IFT74: variants seen among roughly 807,000 people sequenced by gnomAD.
IFT74 encodes intraflagellar transport protein 74 homolog.
A neutral mutation model predicts 96.7 loss-of-function variants in IFT74; 92 were observed. That is an observed-to-expected ratio of 0.95 (90% CI 0.80 to 1.13). The LOEUF is 1.13. Among genes scored for constraint, IFT74 ranks in the 50% most tolerant of loss-of-function variants. The pLI is 0.00. For synonymous variants in IFT74, 223 were observed against 213.2 expected, an observed-to-expected ratio of 1.05 and a Z score of -0.40; for missense variants, 811 against 698.2, an observed-to-expected ratio of 1.16 and a Z score of -1.82.
intron 12 of IFT74, among the ~76,000 whole-genome samples, chr9:27,028,628 T>C (rs1180918023): frequency 6.6e-6 from 1 of 151,890 alleles, no homozygotes; most frequent in African/African-American, 2.4e-5. Flanking sequence ...TGGAGGCGCG[T>C]GCCTCTAGTC....
In IFT74 at chr9:27,065,995, A is replaced by T. The variant is rs1478636425; in HGVS notation, c.*3259A>T. ...AGGTAGATAATTTAGGAAGACAGAT[A>T]AATAAAATGAAGAAAGTAAGTTACT... On this transcript the variant is annotated 3_prime_UTR_variant, in exon 20 of 20. Coordinates refer to ENST00000380062, the MANE Select transcript of IFT74 (RefSeq NM_025103.4). Among the ~76,000 whole-genome samples, 1 of 152,242 alleles carries T rather than the reference A, an allele frequency of 6.6e-6. No individual in the cohort carries two copies. Among genetic ancestry groups the T allele is most frequent in the African/African-American group, 2.4e-5 (1 of 41,476 alleles).
Position 27,049,979 on chromosome 9 carries a change from A to G in IFT74, c.1333+1705A>G, listed in dbSNP as rs12339549. ...CTGATATAGCCAAGTTATTATTTCA[A>G]CATGTAAGCTATATAAAAATGATCA... On this transcript the variant is annotated intron_variant, in intron 16 of 19. Coordinates refer to ENST00000380062, the MANE Select transcript of IFT74 (RefSeq NM_025103.4). Among the ~76,000 whole-genome samples the G allele has an allele frequency of 8.2e-3, 1,251 of 152,322 alleles. 16 individuals are homozygous for G. Among genetic ancestry groups the G allele is most frequent in the African/African-American group, 0.028 (1,149 of 41,578 alleles).
chr9:26,960,775 A>T (rs1367305254), intron 1 of IFT74, among the ~76,000 whole-genome samples: 2 of 152,134 alleles, frequency 1.3e-5, no homozygotes, highest in African/African-American at 2.4e-5. Flanking sequence ...AAGATGTTTG[A>T]GGTGAAGCAA....
At chr9:27,023,072 G>T (rs1055425355) in intron 12 of IFT74, among the ~76,000 whole-genome samples, 8 of 152,140 alleles carry the variant, frequency 5.3e-5, no homozygotes, top group Middle Eastern at 3.2e-3. Context: ...AGTCTTCAGG[G>T]TTTCCTAGTT....
chr9:26,958,753 G>A (rs138268890), intron 1 of IFT74, among the ~76,000 whole-genome samples: 23 of 152,280 alleles, frequency 1.5e-4, no homozygotes, highest in African/African-American at 5.1e-4. Flanking sequence ...CAAGCTGAGT[G>A]CTAAAATAAG....
At chr9:27,050,631 T>C (rs908120546) in intron 16 of IFT74, among the ~76,000 whole-genome samples, 1 of 151,736 alleles carries the variant, frequency 6.6e-6, no homozygotes, top group African/African-American at 2.4e-5. Flanking sequence ...GAAGACCTAA[T>C]TAATATTTGC....
intron 10 of IFT74, among the ~76,000 whole-genome samples, chr9:27,014,622 T>C (rs954493641): frequency 6.6e-6 from 1 of 152,172 alleles, no homozygotes; most frequent in African/African-American, 2.4e-5. Context: ...AAAAAAAAAT[T>C]TTTTTGAGAC....
intron 3 of IFT74, 83 bp downstream of exon 3, chr9:26,978,346 G>C: frequency 7.1e-7 from 1 of 1,417,270 alleles, no homozygotes; most frequent in South Asian, 1.3e-5. Flanking sequence ...AAAAGTAAAA[G>C]TTGAGTATAT....
intron 16 of IFT74, among the ~76,000 whole-genome samples, chr9:27,054,873 A>G (rs1281184047): frequency 6.6e-6 from 1 of 152,188 alleles, no homozygotes; most frequent in Non-Finnish European, 1.5e-5. Flanking sequence ...AAATGGCCCC[A>G]AGCAAAGTGC....
chr9:27,046,785 G>C (rs911165553), intron 14 of IFT74, among the ~76,000 whole-genome samples: 3 of 151,980 alleles, frequency 2.0e-5, no homozygotes, highest in Non-Finnish European at 4.4e-5. Context: ...TTATATCAAG[G>C]TCACAGGATT....
Position 27,057,193 on chromosome 9 carries a change from A to G in IFT74, c.1623+734A>G, listed in dbSNP as rs1820204861. On this transcript the variant is annotated intron_variant, in intron 18 of 19. Transcript: ENST00000380062. Reference sequence around the variant, plus strand: ...CATTGAAATAATGCTATAAAGAGCAATCCAGGTATCCTTGAACTTCTTAAT... The same window carrying G: ...CATTGAAATAATGCTATAAAGAGCAGTCCAGGTATCCTTGAACTTCTTAAT... 3.9e-5 allele frequency among the ~76,000 whole-genome samples: 6 copies of G among 152,332 alleles called. No individual in the cohort carries two copies. In the South Asian group the frequency reaches 1.2e-3, roughly 32 times the overall value.
intron 16 of IFT74, among the ~76,000 whole-genome samples, chr9:27,053,931 A>G (rs1052878963): frequency 6.6e-6 from 1 of 152,240 alleles, no homozygotes; most frequent in Non-Finnish European, 1.5e-5. Context: ...ATAAGAATCC[A>G]ACAAAACAAA....
chr9:26,966,479 AG>A (rs1177213452), intron 2 of IFT74, among the ~76,000 whole-genome samples: 1 of 152,028 alleles, frequency 6.6e-6, no homozygotes, highest in Non-Finnish European at 1.5e-5. Flanking sequence ...TCTTCTTTTG[AG>A]AAGTTGTCTA....
chr9:26,978,008 A>G (rs1827198384), intron 2 of IFT74, 120 bp from the exon 3 acceptor site: 1 of 757,982 alleles, frequency 1.3e-6, no homozygotes, highest in Admixed American at 3.6e-5. Context: ...AAAAATAAGG[A>G]AATTTTTACA....
In IFT74 at chr9:26,977,299, A is replaced by T. The variant is rs1319335812; in HGVS notation, c.121-829A>T. Among the ~76,000 whole-genome samples, 3 of 151,884 alleles carry T rather than the reference A, an allele frequency of 2.0e-5. No homozygotes were observed. In the East Asian group the frequency reaches 5.8e-4, roughly 29 times the overall value. ...CAAACTTCCAGCCTTTTTTTGTTTT[A>T]AAAAAGTAGAGTTTTGAACCAGGCA... is the stretch of plus-strand genomic sequence containing the variant. On this transcript the variant is annotated intron_variant, in intron 2 of 19. Transcript: ENST00000380062.
At chr9:26,992,046 A>T (rs986576763) in intron 8 of IFT74, among the ~76,000 whole-genome samples, 68 of 152,140 alleles carry the variant, frequency 4.5e-4, no homozygotes, top group Non-Finnish European at 1.3e-4. Flanking sequence ...AAAAAAAAAA[A>T]ATAGAGAAAT....
intron 8 of IFT74, among the ~76,000 whole-genome samples, chr9:27,008,370 T>C (rs1321195978): frequency 6.6e-6 from 1 of 152,116 alleles, no homozygotes; most frequent in African/African-American, 2.4e-5. Flanking sequence ...TGTCTTTTTT[T>C]TTTTTGAGAT....
At chr9:27,047,395 G>T (rs374672636) in intron 15 of IFT74, 24 bp downstream of exon 15, 20 of 1,421,646 alleles carry the variant, frequency 1.4e-5, no homozygotes, top group Non-Finnish European at 1.9e-5. Context: ...GCCTGTCTTG[G>T]TGTCCTCTTT....
chr9:26,963,933 A>G (rs1826487570), intron 2 of IFT74, among the ~76,000 whole-genome samples: 1 of 151,962 alleles, frequency 6.6e-6, no homozygotes, highest in South Asian at 2.1e-4. Context: ...CTCTGATGGT[A>G]GTTTCTTTTG....
Sources: allele counts gnomAD v4.1 joint callset (sites outside exome capture counted in the v4.1 genomes callset), GRCh38; gene constraint gnomAD v4.1.1; transcripts MANE v1.5; gene names NCBI Gene and HGNC (gene_info 2026-07-23, HGNC 2026-07-21).